Variants in PTPRD observed in about 807,000 individuals in gnomAD.
The protein encoded by PTPRD is protein tyrosine phosphatase receptor type D.
Under a neutral mutation model 214.5 loss-of-function variants are expected in PTPRD, and 34 were observed. The ratio of observed to expected loss-of-function variants is 0.16; its 90% CI spans 0.12 to 0.21. The LOEUF is 0.21. Among genes scored for constraint, PTPRD ranks in the 10% least tolerant of loss-of-function variants. The pLI, the probability that PTPRD is intolerant of heterozygous loss-of-function variation, is 1.00. For missense variants in PTPRD, 2,545 were observed against 2,398.7 expected, an observed-to-expected ratio of 1.06 and a Z score of -1.27; for synonymous variants, 1,128 against 845.7, an observed-to-expected ratio of 1.33 and a Z score of -5.79.
intron 11 of PTPRD, among the ~76,000 whole-genome samples, chr9:8,790,740 T>A (rs1424048901): frequency 6.6e-6 from 1 of 151,376 alleles, no homozygotes. Context: ...ACATACAATT[T>A]GTATATTTGC....
chr9:9,263,213 G>C (rs2099980898), intron 9 of PTPRD, among the ~76,000 whole-genome samples: 1 of 151,506 alleles, frequency 6.6e-6, no homozygotes, highest in Non-Finnish European at 1.5e-5. Context: ...ATTAGGATTT[G>C]ACTCTTTTTA....
chr9:8,951,472 T>C (rs552815109), intron 11 of PTPRD, among the ~76,000 whole-genome samples: 136 of 152,128 alleles, frequency 8.9e-4, no homozygotes, highest in Non-Finnish European at 1.8e-3. Flanking sequence ...AACTTTCTAC[T>C]GAAATCTAGA....
intron 4 of PTPRD, among the ~76,000 whole-genome samples, chr9:9,991,997 T>C (rs1345946273): frequency 6.6e-6 from 1 of 152,108 alleles, no homozygotes; most frequent in Non-Finnish European, 1.5e-5. Context: ...AACATTACGC[T>C]AAATGAAAGG....
intron 5 of PTPRD, among the ~76,000 whole-genome samples, chr9:9,834,272 G>A (rs1460196537): frequency 1.3e-5 from 2 of 152,074 alleles, no homozygotes; most frequent in East Asian, 1.9e-4. Context: ...ATTGGACTAT[G>A]TAACAGTCAT....
rs1054686180 is a variant in PTPRD at position 10,107,411 on chromosome 9, G to C, written c.-544-73621C>G. On this transcript the variant is annotated intron_variant, in intron 3 of 45. Transcript: ENST00000381196. ...CTGCATAAACATGACTCATTTTTTTGTTGTAAATAGAATTTTACAGAAGCA... is the reference window on the plus strand; with the variant it reads ...CTGCATAAACATGACTCATTTTTTTCTTGTAAATAGAATTTTACAGAAGCA... Among the ~76,000 whole-genome samples the C allele has an allele frequency of 3.6e-4, 54 of 151,990 alleles. 1 individual carries two copies. Among genetic ancestry groups the C allele is most frequent in the African/African-American group, 1.3e-3 (53 of 41,488 alleles).
At chr9:9,344,657 C>G (rs2048145276) in intron 9 of PTPRD, among the ~76,000 whole-genome samples, 1 of 151,882 alleles carries the variant, frequency 6.6e-6, no homozygotes, top group Non-Finnish European at 1.5e-5. Flanking sequence ...TTTCTGTATT[C>G]TGAAAATTAA....
intron 30 of PTPRD, among the ~76,000 whole-genome samples, chr9:8,478,440 A>C (rs1221891550): frequency 6.6e-6 from 1 of 152,174 alleles, no homozygotes; most frequent in African/African-American, 2.4e-5. Context: ...TCTTTATTTC[A>C]ATTTTTTATA....
intron 11 of PTPRD, among the ~76,000 whole-genome samples, chr9:8,927,403 C>G (rs1054426450): frequency 6.6e-6 from 1 of 152,058 alleles, no homozygotes; most frequent in Admixed American, 6.6e-5. Context: ...GTTCCCCTCC[C>G]TGTGTCCATG....
At chr9:10,270,808 T>C (rs1376312757) in intron 3 of PTPRD, among the ~76,000 whole-genome samples, 3 of 152,190 alleles carry the variant, frequency 2.0e-5, no homozygotes, top group African/African-American at 4.8e-5. Context: ...GTACAGTTTT[T>C]CCTAACATTA....
At chr9:10,487,454 G>A (rs527707883) in intron 2 of PTPRD, among the ~76,000 whole-genome samples, 4 of 151,774 alleles carry the variant, frequency 2.6e-5, no homozygotes, top group Non-Finnish European at 2.9e-5. Flanking sequence ...TTCATTTTTT[G>A]TTGATACATT....
intron 5 of PTPRD, among the ~76,000 whole-genome samples, chr9:9,911,930 C>G (rs552133440): frequency 6.6e-6 from 1 of 151,950 alleles, no homozygotes; most frequent in Non-Finnish European, 1.5e-5. Flanking sequence ...TTTTTCTTGT[C>G]ACTGTTATGG....
At chr9:9,902,300 T>C (rs948913597) in intron 5 of PTPRD, among the ~76,000 whole-genome samples, 2 of 152,216 alleles carry the variant, frequency 1.3e-5, no homozygotes, top group African/African-American at 4.8e-5. Context: ...TTGTGAATAC[T>C]TAAATAATTT....
rs368715593 is a variant in PTPRD at position 8,746,395 on chromosome 9, C to G, written c.-103-12449G>C. On this transcript the variant is annotated intron_variant, in intron 11 of 45. Transcript: ENST00000381196. ...ATAAAAGCACTATGCATTTCCCATA[C>G]CAAGATGTATCAGAGTGGCAGCGAA... Among the ~76,000 whole-genome samples the G allele has an allele frequency of 8.5e-5, 13 of 152,280 alleles. No individual in the cohort carries two copies. The South Asian group carries it at 2.7e-3, about 32-fold the overall frequency.
chr9:9,932,821 C>A (rs2087286015), intron 5 of PTPRD, among the ~76,000 whole-genome samples: 1 of 125,938 alleles, frequency 7.9e-6, no homozygotes, highest in African/African-American at 3.0e-5. Context: ...TAAGGGCAGC[C>A]AGAGAGAAAG....
intron 5 of PTPRD, among the ~76,000 whole-genome samples, chr9:9,821,818 T>G (rs1247021078): frequency 2.0e-5 from 3 of 151,664 alleles, no homozygotes; most frequent in African/African-American, 7.3e-5. Context: ...TTAAATATGC[T>G]TACAACTTTT....
At chr9:9,103,798 C>T (rs1350980265) in intron 10 of PTPRD, among the ~76,000 whole-genome samples, 2 of 151,852 alleles carry the variant, frequency 1.3e-5, no homozygotes, top group East Asian at 1.9e-4. Flanking sequence ...TTGGGCAACA[C>T]GATGAAACCC....
chr9:9,044,316 A>C (rs998110782), intron 10 of PTPRD, among the ~76,000 whole-genome samples: 1 of 152,222 alleles, frequency 6.6e-6, no homozygotes, highest in African/African-American at 2.4e-5. Flanking sequence ...AAAAGAACAC[A>C]TATACACATA....
At chr9:8,509,413 A>AT (rs937380637) in intron 21 of PTPRD, among the ~76,000 whole-genome samples, 4 of 152,004 alleles carry the variant, frequency 2.6e-5, no homozygotes, top group Admixed American at 2.6e-4. Flanking sequence ...GCAGTCACTG[A>AT]TTTTTTTCCT....
chr9:9,384,227 T>C (rs1214084798), intron 9 of PTPRD, among the ~76,000 whole-genome samples: 1 of 151,488 alleles, frequency 6.6e-6, no homozygotes, highest in Non-Finnish European at 1.5e-5. Flanking sequence ...GATGAATAAA[T>C]CTAGGCTTCT....
Sources: gnomAD v4.1 joint callset for allele counts (sites outside exome capture counted in the v4.1 genomes callset) on GRCh38, gnomAD v4.1.1 for gene constraint, MANE v1.5 for transcripts, NCBI Gene and HGNC (gene_info 2026-07-23, HGNC 2026-07-21) for gene names.